The following AFF3 variants were observed in gnomAD, a reference collection of about 807,000 sequenced individuals.
The protein encoded by AFF3 is ALF transcription elongation factor 3.
AFF3 carries 32 observed loss-of-function variants against 129.7 expected under a neutral mutation model. That is an observed-to-expected ratio of 0.25 (90% confidence interval 0.19 to 0.33). The LOEUF (loss-of-function observed/expected upper bound fraction) is 0.33, where lower values mean the gene tolerates loss of function less well. Ranked by LOEUF, AFF3 falls within the 10% of genes least tolerant of loss-of-function variation. The pLI, the probability that AFF3 is intolerant of heterozygous loss-of-function variation, is 1.00. For synonymous variants in AFF3, 644 were observed against 635.4 expected (o/e 1.01, Z -0.20); for missense variants, 1,373 against 1,592.0 (o/e 0.86, Z 2.34).
At chr2:99,905,078 GCTCT>G (rs1245243239) in intron 7 of AFF3, among the ~76,000 whole-genome samples, 4 of 152,044 alleles carry the variant, frequency 2.6e-5, no homozygotes, top group Non-Finnish European at 5.9e-5. Flanking sequence ...TCCTCCTCCT[GCTCT>G]CTCTACCACC....
intron 11 of AFF3, among the ~76,000 whole-genome samples, chr2:99,709,436 A>C (rs1246709636): frequency 6.6e-6 from 1 of 152,162 alleles, no homozygotes; most frequent in Non-Finnish European, 1.5e-5. Flanking sequence ...TTTAGGGGTG[A>C]AGATCACGTG....
chr2:99,728,336 T>C (rs1679529395), intron 10 of AFF3, among the ~76,000 whole-genome samples: 1 of 152,148 alleles, frequency 6.6e-6, no homozygotes, highest in Admixed American at 6.5e-5. Context: ...TGGTAGTAAC[T>C]TGGTTTGCTA....
At chr2:99,798,034 A>G (rs1267845289) in intron 8 of AFF3, among the ~76,000 whole-genome samples, 1 of 152,124 alleles carries the variant, frequency 6.6e-6, no homozygotes, top group African/African-American at 2.4e-5. Context: ...TGTTTAAAAT[A>G]TAATTGATTA....
rs527637657 is a variant in AFF3, at chr2:99,980,131, GCTTGA to G, written c.873+26496_873+26500del. On this transcript the variant is annotated intron_variant, in intron 7 of 24. Coordinates refer to ENST00000672756, the MANE Select transcript of AFF3 (RefSeq NM_001386135.1). ...AGCATGTTATTCAACCTCAGCTAGT[GCTTGA>G]CTTAACAGAAAATTCTGAGTTTCAT... Among the ~76,000 whole-genome samples the G allele has an allele frequency of 1.7e-3, 256 of 152,262 alleles. 1 individual carries two copies. The highest frequency in any genetic ancestry group is 3.1e-3 in the Non-Finnish European group (208 of 68,024).
chr2:99,816,649 C>A (rs1687259253), intron 8 of AFF3, among the ~76,000 whole-genome samples: 1 of 152,062 alleles, frequency 6.6e-6, no homozygotes, highest in African/African-American at 2.4e-5. Flanking sequence ...TTATTCTTCT[C>A]AAAGCTTGTT....
intron 13 of AFF3, among the ~76,000 whole-genome samples, chr2:99,648,552 T>C (rs932474237): frequency 6.6e-5 from 10 of 152,086 alleles, no homozygotes. Context: ...GTGGTTGTCA[T>C]GGGGAAGGTT....
At chr2:99,604,190 C>T (rs1015139662) in intron 13 of AFF3, among the ~76,000 whole-genome samples, 11 of 152,174 alleles carry the variant, frequency 7.2e-5, no homozygotes, top group African/African-American at 2.4e-4. Context: ...CACTGCAACA[C>T]TATTCACAAC....
chr2:100,055,309 G>T (rs1402755885), intron 4 of AFF3, among the ~76,000 whole-genome samples: 1 of 151,988 alleles, frequency 6.6e-6, no homozygotes, highest in Non-Finnish European at 1.5e-5. Flanking sequence ...CTCTCCCTCT[G>T]TGTCATCCAG....
At chr2:100,092,398 C>T (rs943763318) in intron 4 of AFF3, among the ~76,000 whole-genome samples, 40 of 152,182 alleles carry the variant, frequency 2.6e-4, no homozygotes, top group African/African-American at 9.4e-4. Flanking sequence ...CACTGACCTC[C>T]TGACCTTCAG....
Position 99,939,653 on chromosome 2 carries a change from CTACTAGTTGTCT to C in AFF3, c.873+66967_873+66978del, listed in dbSNP as rs1464650929. Among the ~76,000 whole-genome samples, 28 of 152,322 alleles carry C rather than the reference CTACTAGTTGTCT, an allele frequency of 1.8e-4. 1 individual carries two copies. In the South Asian group the frequency reaches 5.4e-3, roughly 29 times the overall value. On this transcript the variant is annotated intron_variant, in intron 7 of 24. Coordinates refer to ENST00000672756, the MANE Select transcript of AFF3 (RefSeq NM_001386135.1). ...AGGCTATGATATACTGAAATAGAAA[CTACTAGTTGTCT>C]TACTCTGAACTCCATACAGGAATGT...
chr2:99,631,115 G>A (rs375019555), intron 13 of AFF3: 45 of 292,628 alleles, frequency 1.5e-4, no homozygotes, highest in African/African-American at 8.9e-4. Flanking sequence ...GTGCCTGGAC[G>A]TGTGATCCTT....
intron 4 of AFF3, among the ~76,000 whole-genome samples, chr2:100,009,321 C>T (rs1323863213): frequency 6.8e-6 from 1 of 148,118 alleles, no homozygotes; most frequent in African/African-American, 2.5e-5. Flanking sequence ...GGGAATGCTC[C>T]TGTTCTTTTT....
At chr2:99,974,887 G>T (rs1012498675) in intron 7 of AFF3, among the ~76,000 whole-genome samples, 9 of 152,172 alleles carry the variant, frequency 5.9e-5, no homozygotes, top group African/African-American at 2.2e-4. Flanking sequence ...CAGAGTGAAT[G>T]ATGGTCTGGG....
chr2:99,815,708 T>G (rs967632780), intron 8 of AFF3, among the ~76,000 whole-genome samples: 3 of 152,122 alleles, frequency 2.0e-5, no homozygotes, highest in Non-Finnish European at 4.4e-5. Flanking sequence ...GTTGAGAGTT[T>G]TTTTTTTTTT....
chr2:99,560,345 A>G lies in AFF3; in HGVS notation c.3191+20T>C. On this transcript the variant is annotated intron_variant, in intron 21 of 24. Transcript: ENST00000672756. ...CATGCGAGGCTGGGGCTGCTATTCT[A>G]AGCGGAGATGGGCACTCACCATAAT... 1 of 1,613,164 alleles carries G rather than the reference A, an allele frequency of 6.2e-7. No homozygotes were observed. The highest frequency in any genetic ancestry group is 8.5e-7 in the Non-Finnish European group (1 of 1,179,372).
intron 8 of AFF3, among the ~76,000 whole-genome samples, chr2:99,782,163 G>A (rs1029852184): frequency 2.6e-5 from 4 of 152,292 alleles, no homozygotes; most frequent in Non-Finnish European, 4.4e-5. Flanking sequence ...TGGGCATGAA[G>A]ACAGTTTTCT....
intron 13 of AFF3, among the ~76,000 whole-genome samples, chr2:99,642,882 T>A (rs1684337727): frequency 6.6e-6 from 1 of 152,120 alleles, no homozygotes; most frequent in Non-Finnish European, 1.5e-5. Flanking sequence ...GTTGTGAGGA[T>A]CATAAAATGA....
chr2:99,727,360 A>G (rs1264696459), intron 10 of AFF3, among the ~76,000 whole-genome samples: 1 of 152,184 alleles, frequency 6.6e-6, no homozygotes, highest in Non-Finnish European at 1.5e-5. Context: ...CTATTTGCAA[A>G]CAACCAGAGG....
intron 2 of AFF3, chr2:100,107,234 T>C (rs937693494): frequency 6.1e-6 from 6 of 985,416 alleles, no homozygotes; most frequent in Non-Finnish European, 6.0e-6. Context: ...AAATCCAAAA[T>C]AGTTTTTACA....
Sources: allele counts gnomAD v4.1 joint callset (sites outside exome capture counted in the v4.1 genomes callset), GRCh38; gene constraint gnomAD v4.1.1; transcripts MANE v1.5; gene names NCBI Gene and HGNC (gene_info 2026-07-23, HGNC 2026-07-21).